The following AK3 variants were observed in gnomAD, a reference collection of about 807,000 sequenced individuals.
AK3 encodes the protein GTP:AMP phosphotransferase AK3, mitochondrial.
A neutral mutation model predicts 23.7 loss-of-function variants in AK3; 27 were observed. That is an observed-to-expected ratio of 1.14 (90% CI 0.84 to 1.57). The LOEUF is 1.57. Ranked by LOEUF, AK3 falls within the 40% of genes most tolerant of loss-of-function variation. The probability of loss-of-function intolerance (pLI) is 0.00; values close to 1 mark genes in which losing one functional copy is unlikely to be tolerated. For missense variants in AK3, 406 were observed against 285.6 expected (o/e 1.42, Z -3.04); for synonymous variants, 159 against 116.0 (o/e 1.37, Z -2.38).
rs548347895 is a variant in AK3 at position 4,709,729 on chromosome 9, T to A, written c.*3247A>T. ...CTACACTATTTTAACTGTTTAAAAA[T>A]TTTTTAACCATAACTTCCAAGATGA... On this transcript the variant is annotated 3_prime_UTR_variant, in exon 5 of 5. Coordinates refer to ENST00000381809, the MANE Select transcript of AK3 (RefSeq NM_016282.4). 2.0e-5 allele frequency: 3 copies of A among 152,344 alleles called. No individual in the cohort carries two copies. Among genetic ancestry groups the A allele is most frequent in the East Asian group, 1.9e-4 (1 of 5,190 alleles). The allele number at this position is 152,344 out of a possible 1,614,324, so 9.4% of individuals were successfully genotyped here.
intron 1 of AK3, among the ~76,000 whole-genome samples, chr9:4,736,736 G>A (rs142894480): frequency 1.4e-4 from 21 of 151,490 alleles, no homozygotes; most frequent in African/African-American, 4.6e-4. Flanking sequence ...TGAGTACTGT[G>A]GTGCTATCAC....
At chr9:4,735,615 C>A (rs1444333061) in intron 1 of AK3, among the ~76,000 whole-genome samples, 1 of 148,412 alleles carries the variant, frequency 6.7e-6, no homozygotes, top group South Asian at 2.1e-4. Context: ...CAGGTGCCCG[C>A]CACCATACCC....
intron 1 of AK3, among the ~76,000 whole-genome samples, chr9:4,728,864 T>TAC (rs1168147185): frequency 1.5e-4 from 12 of 77,550 alleles, no homozygotes; most frequent in African/African-American, 4.3e-4. Context: ...TATATATATA[T>TAC]ATACACACAC....
rs1841802693 is a variant in AK3, at chr9:4,718,624, T to A, written c.445-87A>T. 6 of 1,066,804 alleles carry A rather than the reference T, an allele frequency of 5.6e-6. No homozygotes were observed. The South Asian group carries it at 8.4e-5, about 15-fold the overall frequency. The allele number at this position is 1,066,804 out of a possible 1,614,324, so 66.1% of individuals were successfully genotyped here. ...CAGTTCAATTATTTTTAAACAGACA[T>A]CTCTGTGCAAGTGCCAAGCACAAAA... On this transcript the variant is annotated intron_variant, in intron 3 of 4. Transcript: ENST00000381809.
intron 1 of AK3, among the ~76,000 whole-genome samples, chr9:4,735,408 A>AATAT (rs372866258): frequency 1.3e-5 from 1 of 77,330 alleles, no homozygotes; most frequent in Non-Finnish European, 2.4e-5. Flanking sequence ...TACATATATA[A>AATAT]ATATATATAC....
intron 4 of AK3, among the ~76,000 whole-genome samples, chr9:4,714,478 G>C (rs1841666788): frequency 6.6e-6 from 1 of 152,108 alleles, no homozygotes; most frequent in Non-Finnish European, 1.5e-5. Flanking sequence ...GCATTCTTGG[G>C]ATATTAGAAA....
chr9:4,727,899 T>A (rs1388899070), intron 1 of AK3, among the ~76,000 whole-genome samples: 1 of 152,152 alleles, frequency 6.6e-6, no homozygotes, highest in Non-Finnish European at 1.5e-5. Flanking sequence ...AATTTCAATA[T>A]TGTTGTGTCT....
chr9:4,722,517 C>G lies in AK3; in HGVS notation c.260G>C (p.Trp87Ser). 1 of 1,614,118 alleles carries G rather than the reference C, an allele frequency of 6.2e-7. No individual in the cohort carries two copies. Among genetic ancestry groups the G allele is most frequent in the Non-Finnish European group, 8.5e-7 (1 of 1,180,014 alleles). The part of the protein sequence containing the change: ...HELKNLTQYS[W>S]LLDGFPRTLP... ...GAGACTCCACTTACCATCCAACAGCCAGCTATACTGGGTGAGATTTTTCAG... is the reference window on the plus strand; with the variant it reads ...GAGACTCCACTTACCATCCAACAGCGAGCTATACTGGGTGAGATTTTTCAG... Residue 87 changes from tryptophan (W) to serine (S), a missense_variant, in exon 2 of 5, where the codon TGG (tryptophan) becomes TCG (serine). Coordinates refer to ENST00000381809, the MANE Select transcript of AK3 (RefSeq NM_016282.4).
At chr9:4,714,011 CCTACACATATACA>C (rs1841639017) in intron 4 of AK3, among the ~76,000 whole-genome samples, 2 of 95,526 alleles carry the variant, frequency 2.1e-5, no homozygotes, top group African/African-American at 4.2e-5. Flanking sequence ...CACATATACA[CCTACACATATACA>C]GCTACACATA....
chr9:4,729,015 A>ATATATATTTTTTTTT, intron 1 of AK3, among the ~76,000 whole-genome samples: 1 of 129,434 alleles, frequency 7.7e-6, no homozygotes, highest in East Asian at 2.4e-4. Context: ...ATATATATAT[A>ATATATATTTTTTTTT]TTTTTTTTTT....
At chr9:4,716,288 G>C (rs1419196441) in intron 4 of AK3, among the ~76,000 whole-genome samples, 3 of 152,200 alleles carry the variant, frequency 2.0e-5, no homozygotes, top group Non-Finnish European at 4.4e-5. Context: ...CTTGGAGCCT[G>C]ACAGGGACTG....
At chr9:4,736,019 G>A (rs923939086) in intron 1 of AK3, among the ~76,000 whole-genome samples, 2 of 151,164 alleles carry the variant, frequency 1.3e-5, no homozygotes, top group African/African-American at 4.9e-5. Flanking sequence ...GGAGGCTGAG[G>A]CAGGAGAAGC....
chr9:4,722,618 G>A lies in AK3; in HGVS notation c.159C>T (p.Gly53=), dbSNP rs752236904. 7 of 1,614,086 alleles carry A rather than the reference G, an allele frequency of 4.3e-6. No homozygotes were observed. Among genetic ancestry groups the A allele is most frequent in the Admixed American group, 1.7e-5 (1 of 60,006 alleles). ...GGTCAATGAAAGCCTTGGCTAACACGCCAATTTCTACAGCAAAGCGGGGAA... is the reference window on the plus strand; with the variant it reads ...GGTCAATGAAAGCCTTGGCTAACACACCAATTTCTACAGCAAAGCGGGGAA... The part of the protein sequence containing the change: ...RDNMLRGTEI[G]VLAKAFIDQG... The change falls in exon 2 of 5, where the codon GGC becomes GGT. Residue 53 remains glycine (G), a synonymous_variant. Transcript: ENST00000381809.
upstream of AK3, chr9:4,741,373 G>A (rs1298462110): frequency 3.2e-6 from 1 of 313,614 alleles, no homozygotes; most frequent in Non-Finnish European, 5.8e-6. Context: ...CCCCCTCTGC[G>A]CTCGCTCGGC....
At chr9:4,740,220 A>C (rs1292821948) in intron 1 of AK3, among the ~76,000 whole-genome samples, 1 of 152,218 alleles carries the variant, frequency 6.6e-6, no homozygotes, top group Non-Finnish European at 1.5e-5. Context: ...GCTTTTCAAA[A>C]ACAACCCTCT....
Position 4,719,298 on chromosome 9 carries a change from C to T in AK3, c.281G>A (p.Arg94Lys). 7.4e-7 allele frequency: 1 copy of T among 1,359,178 alleles called. No individual in the cohort carries two copies. The highest frequency in any genetic ancestry group is 2.1e-5 in the Admixed American group (1 of 47,954). 84.2% of individuals were successfully genotyped at this position (1,359,178 alleles called of 1,614,324 possible). The change falls in exon 3 of 5, where the codon AGG (arginine) becomes AAG (lysine). Residue 94 changes from arginine to lysine, a missense_variant. Arg to Lys is a conservative substitution (Grantham distance 26). Coordinates refer to ENST00000381809, the MANE Select transcript of AK3 (RefSeq NM_016282.4). Reference protein sequence around the residue: ...QYSWLLDGFPRTLPQAEALDR... With the variant: ...QYSWLLDGFPKTLPQAEALDR... ...TAGGGCTTCTGCCTGTGGAAGTGTC[C>T]TTGGAAAACCTTTATAAAGTAAAAA... is the stretch of plus-strand genomic sequence containing the variant.
At position 4,736,404 on chromosome 9, in the gene AK3, A is replaced by G. The variant is rs1036513710; in HGVS notation, c.151+4533T>C. On this transcript the variant is annotated intron_variant, in intron 1 of 4. Transcript: ENST00000381809. The stretch of plus-strand genomic sequence containing the variant: ...GTATAAGCATAAAATATCTTGGAAG[A>G]ATCTTTTCATGAAATATCCTTTTAT... 2.0e-5 allele frequency among the ~76,000 whole-genome samples: 3 copies of G among 151,984 alleles called. No homozygotes were observed. In the South Asian group the frequency reaches 6.2e-4, roughly 32 times the overall value.
Position 4,712,907 on chromosome 9 carries a change from A to T in AK3, c.*69T>A. ...TCATACATACTAGAAGTCTTAGGAA[A>T]AGCAGCTTCTAAATGCAAGGACTAG... On this transcript the variant is annotated 3_prime_UTR_variant, in exon 5 of 5. Coordinates refer to ENST00000381809, the MANE Select transcript of AK3 (RefSeq NM_016282.4). The T allele has an allele frequency of 6.5e-7, 1 of 1,531,332 alleles. No homozygotes were observed. Among genetic ancestry groups the T allele is most frequent in the Non-Finnish European group, 8.8e-7 (1 of 1,130,624 alleles). The allele number at this position is 1,531,332 out of a possible 1,614,324, so 94.9% of individuals were successfully genotyped here. A position where few individuals can be genotyped will look rare whatever the true frequency, so the allele number is the denominator to read the frequency against.
chr9:4,730,707 A>C (rs1468806920), intron 1 of AK3, among the ~76,000 whole-genome samples: 3 of 152,182 alleles, frequency 2.0e-5, no homozygotes, highest in Non-Finnish European at 2.9e-5. Flanking sequence ...TTTATCATGA[A>C]CTTTTTTATG....
Sources: allele counts gnomAD v4.1 joint callset (sites outside exome capture counted in the v4.1 genomes callset), GRCh38; gene constraint gnomAD v4.1.1; transcripts MANE v1.5; gene names NCBI Gene and HGNC (gene_info 2026-07-23, HGNC 2026-07-21).